Variants in PRORP observed in about 807,000 individuals in gnomAD.
The protein encoded by PRORP is mitochondrial ribonuclease P catalytic subunit.
A neutral mutation model predicts 59.4 loss-of-function variants in PRORP; 51 were observed. That is an observed-to-expected ratio of 0.86 (90% CI 0.69 to 1.08). PRORP has a LOEUF of 1.08. Among genes scored for constraint, PRORP ranks in the 50% least tolerant of loss-of-function variants. The pLI, the probability that PRORP is intolerant of heterozygous loss-of-function variation, is 0.00. For synonymous variants in PRORP, 231 were observed against 245.6 expected (o/e 0.94, Z 0.55); for missense variants, 646 against 690.3 (o/e 0.94, Z 0.72).
chr14:35,193,289 A>G (rs1016974996), intron 5 of PRORP, among the ~76,000 whole-genome samples: 1 of 152,228 alleles, frequency 6.6e-6, no homozygotes, highest in African/African-American at 2.4e-5. Context: ...ATGTAATTTA[A>G]AAGAATTATG....
chr14:35,244,715 C>A (rs1055924473), intron 5 of PRORP, among the ~76,000 whole-genome samples: 1 of 152,076 alleles, frequency 6.6e-6, no homozygotes, highest in Non-Finnish European at 1.5e-5. Flanking sequence ...AAAACTAACA[C>A]CTTTGTACCC....
At chr14:35,200,841 T>C (rs1258143947) in intron 5 of PRORP, among the ~76,000 whole-genome samples, 1 of 152,190 alleles carries the variant, frequency 6.6e-6, no homozygotes, top group Non-Finnish European at 1.5e-5. Context: ...TGAACCAATA[T>C]TGATATATTG....
At chr14:35,226,457 CT>C (rs2049935902) in intron 5 of PRORP, among the ~76,000 whole-genome samples, 1 of 152,150 alleles carries the variant, frequency 6.6e-6, no homozygotes, top group Non-Finnish European at 1.5e-5. Context: ...GGCATTTAAT[CT>C]GGATCTTGGC....
chr14:35,168,926 A>G (rs1566472044), intron 4 of PRORP, among the ~76,000 whole-genome samples: 1 of 149,136 alleles, frequency 6.7e-6, no homozygotes, highest in Non-Finnish European at 1.5e-5. Context: ...TGAAATAGGG[A>G]TTGAGGTTCA....
chr14:35,239,562 T>G (rs1172031733), intron 5 of PRORP, among the ~76,000 whole-genome samples: 1 of 152,190 alleles, frequency 6.6e-6, no homozygotes, highest in Non-Finnish European at 1.5e-5. Context: ...CTGTATAGTG[T>G]TCATAAAATT....
intron 5 of PRORP, among the ~76,000 whole-genome samples, chr14:35,237,334 C>A (rs2050248664): frequency 6.6e-6 from 1 of 152,000 alleles, no homozygotes; most frequent in Non-Finnish European, 1.5e-5. Flanking sequence ...CTCAAGCGAT[C>A]CTCCCACCTA....
chr14:35,190,746 C>T (rs931057846), intron 5 of PRORP, among the ~76,000 whole-genome samples: 2 of 152,012 alleles, frequency 1.3e-5, no homozygotes, highest in Non-Finnish European at 2.9e-5. Context: ...CCTCCTGATC[C>T]GACTACTTGG....
chr14:35,201,708 TCTTGCAGTGGTGC>T, intron 5 of PRORP, among the ~76,000 whole-genome samples: 1 of 151,954 alleles, frequency 6.6e-6, no homozygotes, highest in East Asian at 1.9e-4. Context: ...AGTGGTGCGA[TCTTGCAGTGGTGC>T]GATCTTGGCT....
intron 5 of PRORP, among the ~76,000 whole-genome samples, chr14:35,217,186 T>C (rs2049622137): frequency 1.3e-5 from 2 of 152,294 alleles, no homozygotes; most frequent in South Asian, 2.1e-4. Context: ...TAACTTGTCT[T>C]TTTGGTTTTG....
chr14:35,220,878 T>C (rs967666166), intron 5 of PRORP, among the ~76,000 whole-genome samples: 3 of 152,150 alleles, frequency 2.0e-5, no homozygotes, highest in Non-Finnish European at 2.9e-5. Context: ...TGGGGGAGGA[T>C]GTAAACAAAT....
At chr14:35,132,654 G>A (rs149473188) in intron 4 of PRORP, among the ~76,000 whole-genome samples, 273 of 151,886 alleles carry the variant, frequency 1.8e-3, no homozygotes, top group African/African-American at 6.3e-3. Context: ...GGAAATGGTG[G>A]TGCGTGCCTG....
At chr14:35,262,890 A>G in intron 5 of PRORP, 1 of 1,557,096 alleles carries the variant, frequency 6.4e-7, no homozygotes, top group Non-Finnish European at 8.8e-7. Flanking sequence ...AGATGAATTA[A>G]TCCTTGAAGG....
chr14:35,162,614 A>AT (rs11381891), intron 4 of PRORP, among the ~76,000 whole-genome samples: 128,466 of 151,600 alleles, frequency 0.85, 54,484 homozygotes, highest in Admixed American at 0.87. Context: ...TTTGAGGCTT[A>AT]TTTTTTTTCT....
At chr14:35,250,219 G>A (rs534230829) in intron 5 of PRORP, among the ~76,000 whole-genome samples, 12 of 151,342 alleles carry the variant, frequency 7.9e-5, no homozygotes, top group East Asian at 7.8e-4. Flanking sequence ...GTGACAGAGC[G>A]AGACTCGGTC....
At chr14:35,208,321 G>A (rs1444983456) in intron 5 of PRORP, among the ~76,000 whole-genome samples, 1 of 152,022 alleles carries the variant, frequency 6.6e-6, no homozygotes, top group East Asian at 1.9e-4. Flanking sequence ...AGCGCTTGTA[G>A]TCCCAGCTAC....
At chr14:35,176,525 T>C (rs2048454414) in intron 4 of PRORP, among the ~76,000 whole-genome samples, 2 of 152,346 alleles carry the variant, frequency 1.3e-5, no homozygotes, top group South Asian at 4.1e-4. Flanking sequence ...AGTTCACTCA[T>C]GATTTGGCTC....
At chr14:35,207,031 A>G (rs958564747) in intron 5 of PRORP, among the ~76,000 whole-genome samples, 3 of 152,120 alleles carry the variant, frequency 2.0e-5, no homozygotes, top group African/African-American at 2.4e-5. Flanking sequence ...TGCTTTTAAG[A>G]TTATTAATAT....
At chr14:35,141,474 C>A (rs1332227991) in intron 4 of PRORP, among the ~76,000 whole-genome samples, 1 of 144,050 alleles carries the variant, frequency 6.9e-6, no homozygotes, top group Non-Finnish European at 1.5e-5. Flanking sequence ...CACTATGTTG[C>A]CTAGGCTGGT....
At chr14:35,122,053 G>A (rs528697804), upstream of PRORP, 10 of 1,400,992 alleles carry the variant, frequency 7.1e-6, no homozygotes, top group East Asian at 6.9e-5. Flanking sequence ...CCCCGTAAAG[G>A]TTAGGAAGGC....
Sources: allele counts gnomAD v4.1 joint callset (sites outside exome capture counted in the v4.1 genomes callset), GRCh38; gene constraint gnomAD v4.1.1; transcripts MANE v1.5; gene names NCBI Gene and HGNC (gene_info 2026-07-23, HGNC 2026-07-21).